FAM78B: variants seen among roughly 807,000 people sequenced by gnomAD.
FAM78B encodes protein FAM78B.
A neutral mutation model predicts 20.0 loss-of-function variants in FAM78B; 10 were observed. That is an observed-to-expected ratio of 0.50 (90% CI 0.31 to 0.85). The LOEUF (loss-of-function observed/expected upper bound fraction) is 0.85. Ranked by LOEUF, FAM78B falls within the 40% of genes least tolerant of loss-of-function variation. FAM78B has a pLI of 0.05. For synonymous variants in FAM78B, 135 were observed against 132.8 expected, an observed-to-expected ratio of 1.02 and a Z score of -0.12; for missense variants, 283 against 345.0, an observed-to-expected ratio of 0.82 and a Z score of 1.42.
At chr1:166,115,511 G>A (rs1654220005) in intron 1 of FAM78B, among the ~76,000 whole-genome samples, 1 of 152,188 alleles carries the variant, frequency 6.6e-6, no homozygotes, top group Non-Finnish European at 1.5e-5. Flanking sequence ...CAGATCCTAT[G>A]GGCCCTGGAA....
At chr1:166,157,891 G>T (rs114666383) in intron 1 of FAM78B, among the ~76,000 whole-genome samples, 1 of 152,150 alleles carries the variant, frequency 6.6e-6, no homozygotes, top group Non-Finnish European at 1.5e-5. Context: ...TGCTCCCAAG[G>T]AATGTGCTCC....
intron 1 of FAM78B, among the ~76,000 whole-genome samples, chr1:166,092,706 C>T (rs1226642492): frequency 6.6e-6 from 1 of 152,204 alleles, no homozygotes; most frequent in Non-Finnish European, 1.5e-5. Context: ...TTTGTGTATA[C>T]AGCACAGCTT....
chr1:166,067,863 G>A (rs1054956509), downstream of FAM78B, among the ~76,000 whole-genome samples: 12 of 152,042 alleles, frequency 7.9e-5, no homozygotes, highest in African/African-American at 2.7e-4. Context: ...CCAGAAAACT[G>A]CTGTGGGGGT....
At chr1:166,093,598 G>A (rs74118969) in intron 1 of FAM78B, among the ~76,000 whole-genome samples, 6,382 of 152,186 alleles carry the variant, frequency 0.042, 440 homozygotes, top group African/African-American at 0.14. Context: ...ATGTAAAGGC[G>A]CTAAGAGACT....
intron 1 of FAM78B, among the ~76,000 whole-genome samples, chr1:166,089,285 GTC>G (rs1173677578): frequency 6.6e-6 from 1 of 152,288 alleles, no homozygotes; most frequent in South Asian, 2.1e-4. Flanking sequence ...GATTTAATGT[GTC>G]TCTCTTCGTG....
intron 1 of FAM78B, among the ~76,000 whole-genome samples, chr1:166,099,569 G>A (rs1039709850): frequency 6.6e-6 from 1 of 152,154 alleles, no homozygotes; most frequent in Non-Finnish European, 1.5e-5. Context: ...AAATTAAAGG[G>A]GTGGAAAAAG....
At chr1:166,088,262 G>A (rs1004444377) in intron 1 of FAM78B, among the ~76,000 whole-genome samples, 4 of 152,156 alleles carry the variant, frequency 2.6e-5, no homozygotes, top group African/African-American at 9.7e-5. Flanking sequence ...TTTATGACTC[G>A]TCTGTATTCA....
In FAM78B at chr1:166,114,735, C is replaced by T. The variant is rs139077682; in HGVS notation, c.264-43972G>A. On this transcript the variant is annotated intron_variant, in intron 1 of 1. Coordinates refer to ENST00000354422, the MANE Select transcript of FAM78B (RefSeq NM_001017961.5). ...ACGGGAGGGGAAGATGAGGAGCCTT[C>T]CCAGAAGAGAATACCAATGTGGAAT... 3.4e-3 allele frequency among the ~76,000 whole-genome samples: 514 copies of T among 152,260 alleles called. 3 individuals carry two copies. Among genetic ancestry groups the T allele is most frequent in the African/African-American group, 0.012 (487 of 41,540 alleles).
chr1:166,058,497 CTTTGTGTGTGTGTGTGTG>C (rs888106096), exon 3 of FAM78B: 1 of 119,292 alleles, frequency 8.4e-6, no homozygotes, highest in African/African-American at 3.6e-5. Context: ...TTTCCCTAGG[CTTTGTGTGTGTGTGTGTG>C]TGTGTGTGTG....
intron 1 of FAM78B, among the ~76,000 whole-genome samples, chr1:166,163,194 C>A (rs1416398777): frequency 1.3e-5 from 2 of 152,194 alleles, no homozygotes; most frequent in African/African-American, 4.8e-5. Context: ...TTGCAGCAGT[C>A]TGTTCAAGGC....
At chr1:166,133,468 CAA>C (rs1327333004) in intron 1 of FAM78B, among the ~76,000 whole-genome samples, 1 of 152,092 alleles carries the variant, frequency 6.6e-6, no homozygotes, top group East Asian at 1.9e-4. Flanking sequence ...CGATATGAAA[CAA>C]AACACAAGAT....
intron 1 of FAM78B, among the ~76,000 whole-genome samples, chr1:166,090,374 G>A (rs1272245221): frequency 6.6e-6 from 1 of 152,190 alleles, no homozygotes; most frequent in Non-Finnish European, 1.5e-5. Context: ...GACAGGCAGA[G>A]CAATGCCTCA....
intron 1 of FAM78B, among the ~76,000 whole-genome samples, chr1:166,081,619 A>G (rs1243338912): frequency 6.6e-6 from 1 of 152,082 alleles, no homozygotes; most frequent in Non-Finnish European, 1.5e-5. Flanking sequence ...AGTCACTGGG[A>G]CTTGTGCCAG....
intron 1 of FAM78B, among the ~76,000 whole-genome samples, chr1:166,090,788 C>A (rs547816053): frequency 6.6e-6 from 1 of 152,302 alleles, no homozygotes; most frequent in Admixed American, 6.5e-5. Context: ...TCATCAGGGG[C>A]AGCAGCAAAA....
intron 1 of FAM78B, among the ~76,000 whole-genome samples, chr1:166,150,528 G>A (rs1480832999): frequency 1.3e-5 from 2 of 152,096 alleles, no homozygotes; most frequent in African/African-American, 4.8e-5. Flanking sequence ...ATTCCTAGGG[G>A]TCAAAAATGA....
At chr1:166,091,417 C>T (rs6687565) in intron 1 of FAM78B, among the ~76,000 whole-genome samples, 152,307 of 152,310 alleles carry the variant, frequency 1, 76,152 homozygotes, top group Non-Finnish European at 1. Context: ...CGAGATCTGA[C>T]GGTTTTAAAA....
chr1:166,091,191 G>A (rs922287597), intron 1 of FAM78B, among the ~76,000 whole-genome samples: 2 of 152,108 alleles, frequency 1.3e-5, no homozygotes, highest in Admixed American at 1.3e-4. Flanking sequence ...CAAGAGTGAG[G>A]GAAGTCAAGG....
At chr1:166,137,209 C>T (rs972252148) in intron 1 of FAM78B, among the ~76,000 whole-genome samples, 1 of 152,128 alleles carries the variant, frequency 6.6e-6, no homozygotes, top group East Asian at 1.9e-4. Context: ...ATGTGCTAAC[C>T]CTGATTTTCA....
intron 1 of FAM78B, among the ~76,000 whole-genome samples, chr1:166,131,734 T>C (rs771089186): frequency 1.3e-5 from 2 of 152,018 alleles, no homozygotes; most frequent in African/African-American, 4.8e-5. Flanking sequence ...TAGAAGAAAA[T>C]AGTAAACATA....
Sources: allele counts gnomAD v4.1 joint callset (sites outside exome capture counted in the v4.1 genomes callset), GRCh38; gene constraint gnomAD v4.1.1; transcripts MANE v1.5; gene names NCBI Gene and HGNC (gene_info 2026-07-23, HGNC 2026-07-21).